SMARCC1: variants seen among roughly 807,000 people sequenced by gnomAD.
SMARCC1 encodes the protein SWI/SNF complex subunit SMARCC1.
A neutral mutation model predicts 147.4 loss-of-function variants in SMARCC1; 43 were observed. The observed-to-expected ratio is 0.29, with a 90% CI of 0.23 to 0.38. The LOEUF is 0.38. SMARCC1 is among the 10% of genes least tolerant of loss of function. The probability of loss-of-function intolerance (pLI) is 1.00; values close to 1 mark genes in which losing one functional copy is unlikely to be tolerated. For missense variants in SMARCC1, 1,119 were observed against 1,381.1 expected, an observed-to-expected ratio of 0.81 and a Z score of 3.01; for synonymous variants, 495 against 484.4, an observed-to-expected ratio of 1.02 and a Z score of -0.29.
chr3:47,617,954 T>C (rs2032669594), intron 25 of SMARCC1, among the ~76,000 whole-genome samples: 1 of 152,314 alleles, frequency 6.6e-6, no homozygotes, highest in South Asian at 2.1e-4. Context: ...CTCTTACTTT[T>C]TTAAATCACT....
rs1003159333 is a variant in SMARCC1, at chr3:47,781,861, C to A, written c.-64G>T. 58 of 1,117,478 alleles carry A rather than the reference C, an allele frequency of 5.2e-5. No individual in the cohort carries two copies. In the African/African-American group the frequency reaches 9.0e-4, roughly 17 times the overall value. The allele number at this position is 1,117,478 out of a possible 1,614,324, so 69.2% of individuals were successfully genotyped here. ...GCCCTCGCGGTGTTTCCCGGTCGTT[C>A]CCGCGCGCACCCCCGCGCGCGTAGC... On this transcript the variant is annotated 5_prime_UTR_variant, in exon 1 of 28. Transcript: ENST00000254480.
intron 7 of SMARCC1, among the ~76,000 whole-genome samples, chr3:47,717,993 C>T (rs1188705101): frequency 6.6e-6 from 1 of 151,676 alleles, no homozygotes; most frequent in East Asian, 1.9e-4. Context: ...CCCCTGCCCC[C>T]GCCAACAAAA....
intron 16 of SMARCC1, 37 bp from the exon 17 acceptor site, chr3:47,676,819 A>C (rs1377755859): frequency 6.3e-7 from 1 of 1,581,338 alleles, no homozygotes; most frequent in South Asian, 1.1e-5. Context: ...AATCTAAAGA[A>C]TCAACTTCAT....
chr3:47,621,276 G>T (rs1216426582), intron 25 of SMARCC1, among the ~76,000 whole-genome samples: 1 of 144,150 alleles, frequency 6.9e-6, no homozygotes, highest in Non-Finnish European at 1.5e-5. Flanking sequence ...CTCCAGCCTG[G>T]CAACAGGGCG....
At chr3:47,642,753 T>C (rs1488698022) in intron 21 of SMARCC1, among the ~76,000 whole-genome samples, 3 of 151,842 alleles carry the variant, frequency 2.0e-5, no homozygotes. Flanking sequence ...GAAAAAAACC[T>C]GAAATTTCCA....
chr3:47,672,221 T>G (rs1203672794), intron 18 of SMARCC1, among the ~76,000 whole-genome samples: 1 of 149,358 alleles, frequency 6.7e-6, no homozygotes, highest in East Asian at 2.0e-4. Context: ...ATTACTTTTC[T>G]TTTCTTTTTT....
At chr3:47,740,519 T>C (rs1559659637) in intron 3 of SMARCC1, among the ~76,000 whole-genome samples, 3 of 151,710 alleles carry the variant, frequency 2.0e-5, no homozygotes, top group Admixed American at 6.6e-5. Flanking sequence ...TTTTGTATTT[T>C]TAGTAGAAAT....
chr3:47,632,517 A>C (rs1163009502), intron 24 of SMARCC1, among the ~76,000 whole-genome samples: 1 of 152,068 alleles, frequency 6.6e-6, no homozygotes, highest in East Asian at 1.9e-4. Context: ...CAGTGGTATC[A>C]AGAGGAGAAA....
intron 2 of SMARCC1, among the ~76,000 whole-genome samples, chr3:47,764,883 T>C (rs767136171): frequency 1.3e-5 from 2 of 152,148 alleles, no homozygotes; most frequent in African/African-American, 2.4e-5. Context: ...AGTTCATTAG[T>C]ACAAAATTCA....
chr3:47,645,651 C>T (rs576052411), intron 21 of SMARCC1, among the ~76,000 whole-genome samples: 39 of 152,280 alleles, frequency 2.6e-4, no homozygotes, highest in Non-Finnish European at 5.3e-4. Context: ...AATTAGGTCA[C>T]CTTGACTGAG....
intron 10 of SMARCC1, among the ~76,000 whole-genome samples, chr3:47,702,865 T>C (rs922859139): frequency 1.3e-5 from 2 of 152,230 alleles, no homozygotes; most frequent in Admixed American, 6.5e-5. Flanking sequence ...CCCAAAGTGC[T>C]GGGATTGCAG....
At chr3:47,776,565 C>T (rs1348990563) in intron 1 of SMARCC1, among the ~76,000 whole-genome samples, 4 of 151,492 alleles carry the variant, frequency 2.6e-5, no homozygotes, top group African/African-American at 9.7e-5. Flanking sequence ...GAGCGTGCCA[C>T]GCACTCCAGC....
At chr3:47,695,266 G>C (rs768096638) in intron 11 of SMARCC1, among the ~76,000 whole-genome samples, 1 of 152,182 alleles carries the variant, frequency 6.6e-6, no homozygotes, top group African/African-American at 2.4e-5. Flanking sequence ...CCTAGGAGGT[G>C]AAGTCTGCAG....
At chr3:47,630,270 C>T (rs908511714) in intron 24 of SMARCC1, among the ~76,000 whole-genome samples, 2 of 152,242 alleles carry the variant, frequency 1.3e-5, no homozygotes, top group East Asian at 1.9e-4. Context: ...CTAGATCCCT[C>T]GCATGCACAG....
chr3:47,662,051 G>C (rs1005024681), intron 20 of SMARCC1, among the ~76,000 whole-genome samples: 1 of 150,610 alleles, frequency 6.6e-6, no homozygotes, highest in East Asian at 1.9e-4. Context: ...ATGGAGTGCA[G>C]TGGCACGATC....
chr3:47,778,017 C>T (rs2034995815), intron 1 of SMARCC1, among the ~76,000 whole-genome samples: 1 of 150,862 alleles, frequency 6.6e-6, no homozygotes, highest in Admixed American at 6.6e-5. Context: ...CCCAGCCTGG[C>T]CAACATGGTG....
intron 21 of SMARCC1, among the ~76,000 whole-genome samples, chr3:47,657,688 C>A (rs561900697): frequency 6.6e-6 from 1 of 152,046 alleles, no homozygotes; most frequent in East Asian, 1.9e-4. Context: ...GTGGCGGGTG[C>A]CTGTAATCCA....
chr3:47,692,349 A>G (rs2033800346), intron 12 of SMARCC1, among the ~76,000 whole-genome samples: 1 of 152,228 alleles, frequency 6.6e-6, no homozygotes, highest in African/African-American at 2.4e-5. Context: ...AATACTAGGA[A>G]AGGATGATGT....
At chr3:47,668,614 G>A (rs1304585561) in intron 19 of SMARCC1, among the ~76,000 whole-genome samples, 1 of 152,062 alleles carries the variant, frequency 6.6e-6, no homozygotes, top group African/African-American at 2.4e-5. Flanking sequence ...AAATCAAAGG[G>A]GTGTGCTCAA....
Sources: allele counts gnomAD v4.1 joint callset (sites outside exome capture counted in the v4.1 genomes callset), GRCh38; gene constraint gnomAD v4.1.1; transcripts MANE v1.5; gene names NCBI Gene and HGNC (gene_info 2026-07-23, HGNC 2026-07-21).